TMEM223: variants seen among roughly 807,000 people sequenced by gnomAD.
TMEM223 encodes transmembrane protein 223.
TMEM223 carries 14 observed loss-of-function variants against 14.1 expected under a neutral mutation model. The observed-to-expected ratio is 0.99, with a 90% CI of 0.66 to 1.55. TMEM223 has a LOEUF of 1.55. Ranked by LOEUF, TMEM223 falls within the 40% of genes most tolerant of loss-of-function variation. The pLI, the probability that TMEM223 is intolerant of heterozygous loss-of-function variation, is 0.00. For missense variants in TMEM223, 346 were observed against 269.9 expected (o/e 1.28, Z -1.97); for synonymous variants, 145 against 120.5 (o/e 1.20, Z -1.33).
At chr11:62,787,101 G>T, downstream of TMEM223, 2 of 1,545,024 alleles carry the variant, frequency 1.3e-6, no homozygotes, top group Non-Finnish European at 1.7e-6. Context: ...GCGGCGCCCC[G>T]CACTTTCGTT....
chr11:62,787,470 C>T, downstream of TMEM223: 1 of 1,577,102 alleles, frequency 6.3e-7, no homozygotes, highest in Non-Finnish European at 8.6e-7. Flanking sequence ...AGCTTGCGCT[C>T]TTTGCTGCCG....
intron 1 of TMEM223, chr11:62,776,013 A>T: frequency 6.8e-7 from 1 of 1,479,536 alleles, no homozygotes; most frequent in East Asian, 2.4e-5. Flanking sequence ...GATTTATTCA[A>T]GTGTACACTG....
intron 1 of TMEM223, chr11:62,777,842 TCCA>T (rs780385766): frequency 1.9e-6 from 2 of 1,065,672 alleles, no homozygotes; most frequent in Non-Finnish European, 1.3e-6. Flanking sequence ...GTCCCAGGCT[TCCA>T]CCACTTTTCT....
downstream of TMEM223, chr11:62,786,272 G>A (rs765485371): frequency 2.5e-6 from 4 of 1,613,530 alleles, no homozygotes; most frequent in African/African-American, 4.0e-5. Context: ...AGTAGAACGA[G>A]TCCTGTACCC....
chr11:62,775,129 C>T (rs2084176863), intron 1 of TMEM223, among the ~76,000 whole-genome samples: 1 of 151,310 alleles, frequency 6.6e-6, no homozygotes, highest in Non-Finnish European at 1.5e-5. Context: ...TGACTCAATG[C>T]TGGGGAGGCC....
At position 62,776,376 on chromosome 11, in the gene TMEM223, C is replaced by T. The variant is rs759256462; in HGVS notation, c.315-1711G>A. 1.9e-6 allele frequency: 3 copies of T among 1,613,050 alleles called. No individual in the cohort carries two copies. The East Asian group carries it at 6.7e-5, about 36-fold the overall frequency. Reference sequence around the variant, plus strand: ...CTTTGACTCTGGCTTTTGTTCCCTCCCTCCCAGAATAGCTCTCAGTTCATG... The same window carrying T: ...CTTTGACTCTGGCTTTTGTTCCCTCTCTCCCAGAATAGCTCTCAGTTCATG... On this transcript the variant is annotated intron_variant, in intron 1 of 2. Coordinates refer to the TMEM223 transcript ENST00000528367.
In TMEM223 at chr11:62,791,789, CG is replaced by C. The variant is rs775143077; in HGVS notation, c.205del (p.Arg69GlyfsTer65). The C allele has an allele frequency of 1.5e-5, 23 of 1,570,586 alleles. No individual in the cohort carries two copies. The highest frequency in any genetic ancestry group is 1.9e-5 in the Non-Finnish European group (22 of 1,158,892). On this transcript the variant is annotated frameshift_variant, in exon 1 of 2. Transcript: ENST00000307366. LOFTEE classifies it high-confidence loss of function. ...WASMAVAAVSRPPVPVQPLDA... is the reference protein window; with the variant it reads ...WASMAVAAVSXPPVPVQPLDA... ...CAGAGGCTGCACCGGAACCGGGGGC[CG>C]GGACACGGCTGCCACAGCCATGGAA...
chr11:62,778,769 T>G, intron 1 of TMEM223: 1 of 993,958 alleles, frequency 1.0e-6, no homozygotes, highest in Non-Finnish European at 1.6e-6. Flanking sequence ...AGGCTTCTTG[T>G]GGATGTGTGT....
Position 62,790,134 on chromosome 11 carries a change from G to T in TMEM223, c.*489C>A. On this transcript the variant is annotated 3_prime_UTR_variant, in exon 2 of 2. Coordinates refer to ENST00000307366, the MANE Select transcript of TMEM223 (RefSeq NM_001080501.3). ...CCTCAAGGCCCTGTTTATGTTGGGA[G>T]TCTTAGTTTTCCTTTCGTTGGGGGG... 34 of 1,043,162 alleles carry T rather than the reference G, an allele frequency of 3.3e-5. No individual in the cohort carries two copies. Among genetic ancestry groups the T allele is most frequent in the Middle Eastern group, 3.5e-4 (1 of 2,864 alleles). The allele number at this position is 1,043,162 out of a possible 1,614,324, so 64.6% of individuals were successfully genotyped here. A position where few individuals can be genotyped will look rare whatever the true frequency, so the allele number is the denominator to read the frequency against.
downstream of TMEM223, among the ~76,000 whole-genome samples, chr11:62,783,293 T>C (rs1412465900): frequency 6.6e-6 from 1 of 152,068 alleles, no homozygotes; most frequent in Non-Finnish European, 1.5e-5. Context: ...CCATCCTGGC[T>C]AACACGGTGA....
At chr11:62,776,986 A>G (rs561631157) in intron 1 of TMEM223, among the ~76,000 whole-genome samples, 2 of 152,078 alleles carry the variant, frequency 1.3e-5, no homozygotes, top group African/African-American at 2.4e-5. Flanking sequence ...GTTTCTACTA[A>G]AAATACAAAA....
At chr11:62,782,016 G>T in intron 1 of TMEM223, 2 of 1,607,750 alleles carry the variant, frequency 1.2e-6, no homozygotes, top group South Asian at 2.2e-5. Context: ...AGGAAGAGAT[G>T]ACCCAGCAGG....
intron 1 of TMEM223, among the ~76,000 whole-genome samples, chr11:62,779,622 G>T (rs551220195): frequency 6.7e-6 from 1 of 149,278 alleles, no homozygotes; most frequent in Admixed American, 6.7e-5. Context: ...CACTGTGCCC[G>T]GCCTAATTCT....
At chr11:62,778,348 G>A in intron 1 of TMEM223, 1 of 1,614,184 alleles carries the variant, frequency 6.2e-7, no homozygotes, top group Non-Finnish European at 8.5e-7. Context: ...AAGGGGTGAT[G>A]TAGGAAACAG....
At chr11:62,791,609 C>G in intron 1 of TMEM223, 70 bp downstream of exon 1, 1 of 1,437,782 alleles carries the variant, frequency 7.0e-7, no homozygotes, top group Non-Finnish European at 9.2e-7. Flanking sequence ...CTGACTCTCC[C>G]TGCCTGTATA....
At chr11:62,791,019 T>G (rs2084355105) in intron 1 of TMEM223, 104 bp from the exon 2 acceptor site, 1 of 1,288,268 alleles carries the variant, frequency 7.8e-7, no homozygotes, top group African/African-American at 1.5e-5. Context: ...GAAAGTAGTA[T>G]TTACTGAGCG....
intron 1 of TMEM223, among the ~76,000 whole-genome samples, chr11:62,777,355 C>T (rs895010629): frequency 3.3e-5 from 5 of 152,122 alleles, no homozygotes; most frequent in South Asian, 2.1e-4. Flanking sequence ...AAAGACTAAA[C>T]GCACACATAA....
chr11:62,784,007 G>GTGA (rs2084250322), downstream of TMEM223, among the ~76,000 whole-genome samples: 3 of 596 alleles, frequency 5.0e-3, no homozygotes, highest in East Asian at 0.042. Context: ...TCCAGCCCGG[G>GTGA]CGACAGAGTC....
At chr11:62,784,500 G>A (rs773545457), downstream of TMEM223, among the ~76,000 whole-genome samples, 4 of 150,796 alleles carry the variant, frequency 2.7e-5, no homozygotes, top group South Asian at 2.1e-4. Flanking sequence ...TAGAGACAGC[G>A]TTTCACCGTG....
Sources: allele counts gnomAD v4.1 joint callset (sites outside exome capture counted in the v4.1 genomes callset), GRCh38; gene constraint gnomAD v4.1.1; transcripts MANE v1.5; gene names NCBI Gene and HGNC (gene_info 2026-07-23, HGNC 2026-07-21).